The following TNKS variants were observed in gnomAD, a reference collection of about 807,000 sequenced individuals.
TNKS encodes the protein tankyrase, also known as poly [ADP-ribose] polymerase tankyrase-1.
TNKS carries 72 observed loss-of-function variants against 135.8 expected under a neutral mutation model. The observed-to-expected ratio is 0.53, with a 90% confidence interval of 0.44 to 0.64. The LOEUF (loss-of-function observed/expected upper bound fraction) is 0.64, where lower values mean the gene tolerates loss of function less well. Among genes scored for constraint, TNKS ranks in the 30% least tolerant of loss-of-function variants. The probability of loss-of-function intolerance (pLI) is 0.00; values close to 1 mark genes in which losing one functional copy is unlikely to be tolerated. For missense variants in TNKS, 1,769 were observed against 1,674.0 expected, an observed-to-expected ratio of 1.06 and a Z score of -0.99; for synonymous variants, 849 against 649.3, an observed-to-expected ratio of 1.31 and a Z score of -4.68.
intron 17 of TNKS, among the ~76,000 whole-genome samples, chr8:9,736,489 T>G (rs1805712206): frequency 6.6e-6 from 1 of 152,008 alleles, no homozygotes; most frequent in Non-Finnish European, 1.5e-5. Context: ...GCCTATGTCC[T>G]GAATGGTAAT....
At position 9,572,599 on chromosome 8, in the gene TNKS, A is replaced by G. The variant is rs1013145411; in HGVS notation, c.674-7560A>G. Among the ~76,000 whole-genome samples the G allele has an allele frequency of 2.0e-5, 3 of 152,346 alleles. No individual in the cohort carries two copies. In the East Asian group the frequency reaches 5.8e-4, roughly 29 times the overall value. ...ATACGTTTTCTCCATGAAATATAGT[A>G]AAACAGAAAACTTTAAAGAACTTTA... On this transcript the variant is annotated intron_variant, in intron 1 of 26. Coordinates refer to ENST00000310430, the MANE Select transcript of TNKS (RefSeq NM_003747.3).
chr8:9,668,360 A>G (rs1006810374), intron 3 of TNKS, among the ~76,000 whole-genome samples: 2 of 152,192 alleles, frequency 1.3e-5, no homozygotes, highest in African/African-American at 4.8e-5. Flanking sequence ...GAGAAAATAC[A>G]TTGCACATTT....
chr8:9,748,201 G>T lies in TNKS; in HGVS notation c.2821G>T (p.Asp941Tyr). 1 of 1,554,848 alleles carries T rather than the reference G, an allele frequency of 6.4e-7. No homozygotes were observed. The highest frequency in any genetic ancestry group is 8.7e-7 in the Non-Finnish European group (1 of 1,149,960). Residue 941 changes from aspartate (D) to tyrosine (Y), a missense_variant, in exon 18 of 27, where the codon GAT (aspartate) becomes TAT (tyrosine). By Grantham distance (160) the Asp-to-Tyr change is radical. Transcript: ENST00000310430. ...MKNQEGQTPL[D>Y]LATADDIRAL... ...GAACCAGGAAGGCCAGACGCCTCTG[G>T]ATCTGGCAACAGTAAGTCCTCATTT...
At chr8:9,594,622 C>T (rs1055553156) in intron 2 of TNKS, among the ~76,000 whole-genome samples, 3 of 152,092 alleles carry the variant, frequency 2.0e-5, no homozygotes, top group Non-Finnish European at 2.9e-5. Context: ...TATGTAGTAA[C>T]ATATTTTATT....
At chr8:9,744,573 T>A (rs1806139063) in intron 17 of TNKS, among the ~76,000 whole-genome samples, 1 of 152,210 alleles carries the variant, frequency 6.6e-6, no homozygotes, top group South Asian at 2.1e-4. Context: ...ATTCTGAAAC[T>A]AGGTTAAATT....
At chr8:9,700,359 T>C (rs1803736621) in intron 5 of TNKS, among the ~76,000 whole-genome samples, 1 of 152,192 alleles carries the variant, frequency 6.6e-6, no homozygotes, top group Non-Finnish European at 1.5e-5. Context: ...TGATTTCGCT[T>C]TCCTTGTTTT....
At chr8:9,744,056 G>T (rs2128823934) in intron 17 of TNKS, among the ~76,000 whole-genome samples, 1 of 152,116 alleles carries the variant, frequency 6.6e-6, no homozygotes, top group East Asian at 1.9e-4. Context: ...GTGTGTCTTT[G>T]AGCCTTTTTT....
chr8:9,637,253 A>G (rs1370832487), intron 3 of TNKS, among the ~76,000 whole-genome samples: 4 of 152,238 alleles, frequency 2.6e-5, no homozygotes, highest in Non-Finnish European at 5.9e-5. Context: ...GTGGATTATC[A>G]GAACTTTGTT....
chr8:9,720,561 C>G lies in TNKS; in HGVS notation c.1921+16C>G. The G allele has an allele frequency of 5.7e-6, 9 of 1,591,232 alleles. No individual in the cohort carries two copies. The highest frequency in any genetic ancestry group is 6.8e-6 in the Non-Finnish European group (8 of 1,168,396). ...ATTCTGAGTGGTGAGTTAAAATAGACCAACAGGGCATTTTATGTTTTCTCT... is the reference window on the plus strand; with the variant it reads ...ATTCTGAGTGGTGAGTTAAAATAGAGCAACAGGGCATTTTATGTTTTCTCT... On this transcript the variant is annotated intron_variant, in intron 12 of 26. Transcript: ENST00000310430.
At chr8:9,562,813 G>C (rs1035149157) in intron 1 of TNKS, among the ~76,000 whole-genome samples, 3 of 150,766 alleles carry the variant, frequency 2.0e-5, no homozygotes, top group African/African-American at 7.3e-5. Flanking sequence ...CCTTCCCTTA[G>C]CCTTTTTTTT....
At chr8:9,694,595 C>T (rs1343441054) in intron 5 of TNKS, among the ~76,000 whole-genome samples, 2 of 151,928 alleles carry the variant, frequency 1.3e-5, no homozygotes, top group African/African-American at 2.4e-5. Flanking sequence ...AACTCCGCCT[C>T]TACTAAAAAT....
intron 22 of TNKS, among the ~76,000 whole-genome samples, chr8:9,764,164 T>TA (rs772677164): frequency 3.5e-4 from 53 of 152,160 alleles, no homozygotes; most frequent in Admixed American, 5.9e-4. Flanking sequence ...ACTTAGATCT[T>TA]TAAAACATTT....
At chr8:9,701,974 G>A (rs574066671) in intron 5 of TNKS, among the ~76,000 whole-genome samples, 3 of 152,350 alleles carry the variant, frequency 2.0e-5, no homozygotes, top group Admixed American at 6.5e-5. Context: ...CACAGAGTCT[G>A]TAATAGTTTC....
At chr8:9,622,782 A>G (rs561740862) in intron 3 of TNKS, among the ~76,000 whole-genome samples, 30 of 152,314 alleles carry the variant, frequency 2.0e-4, no homozygotes, top group Non-Finnish European at 2.2e-4. Context: ...TCATATTATT[A>G]TAATAAAATG....
intron 2 of TNKS, among the ~76,000 whole-genome samples, chr8:9,581,979 T>C (rs1798185658): frequency 6.6e-6 from 1 of 152,182 alleles, no homozygotes; most frequent in Non-Finnish European, 1.5e-5. Context: ...TTGGCACATA[T>C]TGTCTTCATT....
intron 3 of TNKS, among the ~76,000 whole-genome samples, chr8:9,629,768 C>G (rs927695536): frequency 6.6e-6 from 1 of 152,198 alleles, no homozygotes. Flanking sequence ...CTGCAACCTC[C>G]GCCTCCCCGG....
chr8:9,705,954 G>A (rs536909106), intron 6 of TNKS, among the ~76,000 whole-genome samples: 1 of 152,000 alleles, frequency 6.6e-6, no homozygotes, highest in East Asian at 1.9e-4. Flanking sequence ...TCGCCAAAAT[G>A]TTCTTCTATT....
chr8:9,633,244 G>A (rs569203977), intron 3 of TNKS, among the ~76,000 whole-genome samples: 2 of 152,192 alleles, frequency 1.3e-5, no homozygotes, highest in East Asian at 1.9e-4. Context: ...CTAAGTTTAC[G>A]ATTTTCAACA....
At chr8:9,762,506 CTTTT>C (rs67581048) in intron 21 of TNKS, among the ~76,000 whole-genome samples, 2 of 151,366 alleles carry the variant, frequency 1.3e-5, no homozygotes, top group Admixed American at 1.3e-4. Flanking sequence ...GCCTGTTTTT[CTTTT>C]TTTTTGTGTC....
Sources: gnomAD v4.1 joint callset for allele counts (sites outside exome capture counted in the v4.1 genomes callset) on GRCh38, gnomAD v4.1.1 for gene constraint, MANE v1.5 for transcripts, NCBI Gene and HGNC (gene_info 2026-07-23, HGNC 2026-07-21) for gene names.